Variants in PRKN observed in about 807,000 individuals in gnomAD.
PRKN encodes parkin RBR E3 ubiquitin protein ligase.
A neutral mutation model predicts 59.5 loss-of-function variants in PRKN; 56 were observed. The ratio of observed to expected loss-of-function variants is 0.94; its 90% CI spans 0.76 to 1.18. The LOEUF (loss-of-function observed/expected upper bound fraction) is 1.18, where lower values mean the gene tolerates loss of function less well. PRKN is among the 50% of genes most tolerant of loss of function. PRKN has a pLI of 0.00. For missense variants in PRKN, 657 were observed against 596.4 expected (o/e 1.10, Z -1.06); for synonymous variants, 250 against 222.1 (o/e 1.13, Z -1.12).
At chr6:161,696,119 A>G (rs1365095457) in intron 7 of PRKN, among the ~76,000 whole-genome samples, 2 of 152,238 alleles carry the variant, frequency 1.3e-5, no homozygotes, top group South Asian at 2.1e-4. Context: ...ATGAAAGAGA[A>G]GATATTAAAT....
In PRKN at chr6:161,785,899, G is replaced by C. The variant is rs771437898; in HGVS notation, c.744C>G (p.Val248=). The C allele has an allele frequency of 1.1e-5, 18 of 1,614,140 alleles. 1 individual carries two copies. The Admixed American group carries it at 1.7e-4, about 15-fold the overall frequency. Residue 248 remains valine (V), a synonymous_variant, in exon 7 of 12, where the codon GTC becomes GTG. Coordinates refer to ENST00000366898, the MANE Select transcript of PRKN (RefSeq NM_004562.3). ...GGCGGGAGTTGCACTGGAAAACCAGGACGGGGCTCCTGCAGAGAGAAAGGA... is the reference window on the plus strand; with the variant it reads ...GGCGGGAGTTGCACTGGAAAACCAGCACGGGGCTCCTGCAGAGAGAAAGGA... ...CITCTDVRSP[V]LVFQCNSRHV...
intron 7 of PRKN, among the ~76,000 whole-genome samples, chr6:161,689,860 GCCACCACAC>G (rs1785711998): frequency 1.3e-5 from 2 of 151,922 alleles, no homozygotes; most frequent in South Asian, 4.1e-4. Context: ...ACATACAGGT[GCCACCACAC>G]CTGGCTAATT....
Position 162,179,838 on chromosome 6 carries a change from A to G in PRKN, c.534+21293T>C, listed in dbSNP as rs568835492. Among the ~76,000 whole-genome samples the G allele has an allele frequency of 3.9e-5, 6 of 152,254 alleles. No homozygotes were observed. The South Asian group carries it at 1.2e-3, about 32-fold the overall frequency. On this transcript the variant is annotated intron_variant, in intron 4 of 11. Coordinates refer to ENST00000366898, the MANE Select transcript of PRKN (RefSeq NM_004562.3). ...GTTTTGAACATTGTAAACACTACCA[A>G]GCAGCAAACAGATAGAGCCTGAACG...
intron 1 of PRKN, among the ~76,000 whole-genome samples, chr6:162,704,091 G>A (rs1562510790): frequency 6.6e-6 from 1 of 152,168 alleles, no homozygotes; most frequent in Non-Finnish European, 1.5e-5. Flanking sequence ...GGTACCCGCT[G>A]AGCCTCAGTG....
chr6:162,320,419 CA>C (rs201106625), intron 2 of PRKN, among the ~76,000 whole-genome samples: 13,362 of 42,708 alleles, frequency 0.31, 1,854 homozygotes, highest in East Asian at 0.54. Flanking sequence ...CAAAAAAAAC[CA>C]AAAAAAAAAA....
intron 4 of PRKN, among the ~76,000 whole-genome samples, chr6:162,098,862 G>A (rs73783411): frequency 0.034 from 5,195 of 152,184 alleles, 279 homozygotes; most frequent in African/African-American, 0.12. Context: ...TCCCTATCAG[G>A]AACTCTAAAG....
intron 9 of PRKN, among the ~76,000 whole-genome samples, chr6:161,482,340 G>A (rs190146121): frequency 3.8e-4 from 58 of 152,260 alleles, no homozygotes; most frequent in African/African-American, 1.1e-3. Context: ...GCATGCCAGC[G>A]TGCAGTGTTA....
At chr6:162,386,783 G>T (rs1014041935) in intron 2 of PRKN, among the ~76,000 whole-genome samples, 17 of 152,206 alleles carry the variant, frequency 1.1e-4, no homozygotes, top group Admixed American at 5.2e-4. Flanking sequence ...AGGTTGTATT[G>T]AGATTCCAAT....
chr6:162,419,582 G>A (rs568928245), intron 2 of PRKN, among the ~76,000 whole-genome samples: 1 of 152,298 alleles, frequency 6.6e-6, no homozygotes, highest in South Asian at 2.1e-4. Flanking sequence ...CTGCAGCCCA[G>A]TCCTAGCCCT....
intron 9 of PRKN, among the ~76,000 whole-genome samples, chr6:161,408,202 C>T (rs763201497): frequency 2.6e-5 from 4 of 151,790 alleles, no homozygotes; most frequent in African/African-American, 4.8e-5. Context: ...ATCATCATTC[C>T]GCAAGATACA....
At chr6:162,103,553 A>C (rs2128299964) in intron 4 of PRKN, among the ~76,000 whole-genome samples, 1 of 152,318 alleles carries the variant, frequency 6.6e-6, no homozygotes, top group South Asian at 2.1e-4. Flanking sequence ...TAACTTGATA[A>C]GGGCAATATA....
At chr6:161,913,894 C>T (rs1778457801) in intron 6 of PRKN, among the ~76,000 whole-genome samples, 1 of 152,216 alleles carries the variant, frequency 6.6e-6, no homozygotes, top group Non-Finnish European at 1.5e-5. Flanking sequence ...CCAGAGCTCA[C>T]TCTCTGTCAT....
intron 6 of PRKN, among the ~76,000 whole-genome samples, chr6:161,933,927 T>C (rs1162008022): frequency 6.6e-6 from 1 of 152,260 alleles, no homozygotes; most frequent in African/African-American, 2.4e-5. Context: ...CTGTCTGTCC[T>C]ACAGTGCAAA....
At chr6:162,077,312 A>G (rs1562498893) in intron 4 of PRKN, among the ~76,000 whole-genome samples, 1 of 152,138 alleles carries the variant, frequency 6.6e-6, no homozygotes, top group African/African-American at 2.4e-5. Context: ...CTGAAAGCCT[A>G]GGTGTCTGGT....
intron 8 of PRKN, among the ~76,000 whole-genome samples, chr6:161,558,017 C>T (rs13206733): frequency 6.6e-6 from 1 of 152,138 alleles, no homozygotes; most frequent in Non-Finnish European, 1.5e-5. Context: ...GCAGAGGGGT[C>T]GTGATCAGGC....
At chr6:162,077,309 C>T (rs1379688667) in intron 4 of PRKN, among the ~76,000 whole-genome samples, 1 of 152,076 alleles carries the variant, frequency 6.6e-6, no homozygotes, top group Non-Finnish European at 1.5e-5. Context: ...GCTCTGAAAG[C>T]CTAGGTGTCT....
At chr6:162,642,208 A>G (rs1273222883) in intron 1 of PRKN, among the ~76,000 whole-genome samples, 1 of 152,208 alleles carries the variant, frequency 6.6e-6, no homozygotes. Context: ...CAGACTAGCA[A>G]AGCTCAAAAA....
chr6:162,668,025 TAAGAG>T (rs1341590799), intron 1 of PRKN, among the ~76,000 whole-genome samples: 3 of 152,218 alleles, frequency 2.0e-5, no homozygotes, highest in African/African-American at 7.2e-5. Context: ...TATTTTTCTT[TAAGAG>T]AAGTGTCATA....
intron 2 of PRKN, among the ~76,000 whole-genome samples, chr6:162,423,135 C>CATT (rs770281035): frequency 6.6e-6 from 1 of 152,042 alleles, no homozygotes; most frequent in Non-Finnish European, 1.5e-5. Context: ...TGAATAAAGA[C>CATT]ATTACCCTAA....
Sources: allele counts gnomAD v4.1 joint callset (sites outside exome capture counted in the v4.1 genomes callset), GRCh38; gene constraint gnomAD v4.1.1; transcripts MANE v1.5; gene names NCBI Gene and HGNC (gene_info 2026-07-23, HGNC 2026-07-21).